AGAP1: variants seen among roughly 807,000 people sequenced by gnomAD.
The protein encoded by AGAP1 is ArfGAP with GTPase domain, ankyrin repeat and PH domain 1, also known as arf-GAP with GTPase, ANK repeat and PH domain-containing protein 1.
A neutral mutation model predicts 105.3 loss-of-function variants in AGAP1; 29 were observed. The ratio of observed to expected loss-of-function variants is 0.28; its 90% CI spans 0.21 to 0.38. The LOEUF (loss-of-function observed/expected upper bound fraction) is 0.38. Ranked by LOEUF, AGAP1 falls within the 10% of genes least tolerant of loss-of-function variation. The probability of loss-of-function intolerance (pLI) is 1.00; values close to 1 mark genes in which losing one functional copy is unlikely to be tolerated. For synonymous variants in AGAP1, 509 were observed against 485.9 expected (o/e 1.05, Z -0.63); for missense variants, 998 against 1,165.1 (o/e 0.86, Z 2.09).
intron 12 of AGAP1, among the ~76,000 whole-genome samples, chr2:235,937,015 C>T (rs1159376731): frequency 6.6e-6 from 1 of 152,012 alleles, no homozygotes; most frequent in African/African-American, 2.4e-5. Context: ...ATAGCGCTTG[C>T]TTTTCAAGGA....
intron 16 of AGAP1, among the ~76,000 whole-genome samples, chr2:236,072,835 A>G (rs1171905814): frequency 1.3e-5 from 2 of 152,144 alleles, no homozygotes; most frequent in Non-Finnish European, 2.9e-5. Flanking sequence ...CAGCTGAACT[A>G]TACCAGGAGC....
chr2:235,564,472 C>T (rs1218353942), intron 1 of AGAP1, among the ~76,000 whole-genome samples: 2 of 152,222 alleles, frequency 1.3e-5, no homozygotes, highest in Non-Finnish European at 2.9e-5. Context: ...ATCTATACTT[C>T]TGAGTATATC....
intron 16 of AGAP1, among the ~76,000 whole-genome samples, chr2:236,067,181 C>G (rs2058368630): frequency 6.6e-6 from 1 of 152,032 alleles, no homozygotes; most frequent in Non-Finnish European, 1.5e-5. Context: ...GTGACCCGGG[C>G]TGGATGTTCA....
intron 1 of AGAP1, chr2:235,670,810 C>A: frequency 7.0e-7 from 1 of 1,421,228 alleles, no homozygotes; most frequent in Non-Finnish European, 9.3e-7. Flanking sequence ...GCAAGAACCG[C>A]ACGCTGGACA....
In AGAP1 at chr2:235,615,306, C is replaced by G. The variant is rs1380081831; in HGVS notation, c.164-93873C>G. 6.6e-6 allele frequency among the ~76,000 whole-genome samples: 1 copy of G among 152,210 alleles called. No individual in the cohort carries two copies. The highest frequency in any genetic ancestry group is 1.5e-5 in the Non-Finnish European group (1 of 68,042). ...CATGTGACTACAGCATCCATCCTCCCTGCTCTGCCTCGCACTGCCTTCTAA... is the reference window on the plus strand; with the variant it reads ...CATGTGACTACAGCATCCATCCTCCGTGCTCTGCCTCGCACTGCCTTCTAA... On this transcript the variant is annotated intron_variant, in intron 1 of 17. Coordinates refer to ENST00000304032, the MANE Select transcript of AGAP1 (RefSeq NM_001037131.3). This position sits in a 1 kb window ranked among gnomAD's most constrained non-coding sequence, Gnocchi z 5.0.
At chr2:236,029,228 A>G (rs2057148542) in intron 13 of AGAP1, among the ~76,000 whole-genome samples, 1 of 150,668 alleles carries the variant, frequency 6.6e-6, no homozygotes, top group Admixed American at 6.6e-5. Context: ...TTGCTCACCA[A>G]CCTGTCTTTC....
chr2:235,760,004 A>G (rs1001525832), intron 6 of AGAP1, among the ~76,000 whole-genome samples: 7 of 152,170 alleles, frequency 4.6e-5, no homozygotes, highest in African/African-American at 1.4e-4. Context: ...ATGAAGCTAT[A>G]AAAGCACATG....
At chr2:235,711,878 G>T (rs1400191467) in intron 2 of AGAP1, among the ~76,000 whole-genome samples, 1 of 152,172 alleles carries the variant, frequency 6.6e-6, no homozygotes, top group Non-Finnish European at 1.5e-5. Flanking sequence ...CTTCACAAAC[G>T]CAGCAGTGAC....
intron 16 of AGAP1, among the ~76,000 whole-genome samples, chr2:236,052,637 A>C (rs577008437): frequency 1.3e-5 from 2 of 152,312 alleles, no homozygotes. Flanking sequence ...ATCATTAGTC[A>C]AGAAAAGCAT....
chr2:235,652,088 CTT>C (rs1206667685), intron 1 of AGAP1, among the ~76,000 whole-genome samples: 1 of 152,150 alleles, frequency 6.6e-6, no homozygotes, highest in Non-Finnish European at 1.5e-5. Context: ...AGGGGGCAAA[CTT>C]AATTTCATTT....
Position 235,797,876 on chromosome 2 carries a change from A to C in AGAP1, c.791A>C (p.His264Pro), listed in dbSNP as rs1957314763. Residue 264 changes from histidine to proline, a missense_variant, in exon 7 of 18, where the codon CAC becomes CCC. This residue lies in a region of AGAP1 where 735 missense variants were observed against 833.4 expected (regional missense o/e 0.88). Transcript: ENST00000304032. ...SVCSAQVSAV[H>P]ISQTSNGGGS... is the part of the protein sequence containing the mutation. ...TGTTCCGCGCAGGTGTCTGCCGTGC[A>C]CATCAGCCAGGTACGTTAGGTGACA... 1 of 1,614,076 alleles carries C rather than the reference A, an allele frequency of 6.2e-7. No individual in the cohort carries two copies. The highest frequency in any genetic ancestry group is 8.5e-7 in the Non-Finnish European group (1 of 1,180,034).
At chr2:235,797,924 C>CA (rs1212166660) in intron 7 of AGAP1, 38 bp downstream of exon 7, 1 of 1,610,208 alleles carries the variant, frequency 6.2e-7, no homozygotes, top group Non-Finnish European at 8.5e-7. Context: ...CTCTTAGAAC[C>CA]AAAGACAATA....
intron 12 of AGAP1, among the ~76,000 whole-genome samples, chr2:235,948,433 C>T (rs969895105): frequency 1.3e-5 from 2 of 152,198 alleles, no homozygotes; most frequent in Admixed American, 6.5e-5. Context: ...GTTCCCCCCA[C>T]CTCCATCTCC....
At position 236,064,863 on chromosome 2, in the gene AGAP1, T is replaced by G. The variant is rs547089329; in HGVS notation, c.2114+15582T>G. Among the ~76,000 whole-genome samples the G allele has an allele frequency of 4.0e-5, 6 of 150,628 alleles. No homozygotes were observed. The East Asian group carries it at 1.2e-3, about 29-fold the overall frequency. ...GCCAAACTATACCTTTCTAAACACA[T>G]AAAATGAAAACAAGAATAATCACCT... On this transcript the variant is annotated intron_variant, in intron 16 of 17. Coordinates refer to ENST00000304032, the MANE Select transcript of AGAP1 (RefSeq NM_001037131.3).
At position 236,105,998 on chromosome 2, in the gene AGAP1, C is replaced by T. The variant is rs1266946963; in HGVS notation, c.2115-14194C>T. On this transcript the variant is annotated intron_variant, in intron 16 of 17. Transcript: ENST00000304032. This position sits in a 1 kb window ranked among gnomAD's most constrained non-coding sequence, Gnocchi z 4.2. ...GGTCCTGTCACCAAACACCATCACA[C>T]AGGGGGTTAGGGCTTCAGCGACTGA... 1.3e-5 allele frequency among the ~76,000 whole-genome samples: 2 copies of T among 152,182 alleles called. No homozygotes were observed. Among genetic ancestry groups the T allele is most frequent in the African/African-American group, 4.8e-5 (2 of 41,460 alleles).
chr2:236,014,199 G>A lies in AGAP1; in HGVS notation c.1646-22362G>A, dbSNP rs111786989. On this transcript the variant is annotated intron_variant, in intron 13 of 17. Coordinates refer to ENST00000304032, the MANE Select transcript of AGAP1 (RefSeq NM_001037131.3). The surrounding 1 kb of genome is among the most constrained non-coding windows in gnomAD (Gnocchi z 6.3). ...CTCCATTTAGAGCCGTAACTCCCCCGAGTGTCAAAGAGAATAGACTCCTCC... is the reference window on the plus strand; with the variant it reads ...CTCCATTTAGAGCCGTAACTCCCCCAAGTGTCAAAGAGAATAGACTCCTCC... Among the ~76,000 whole-genome samples, 38 of 152,228 alleles carry A rather than the reference G, an allele frequency of 2.5e-4. No homozygotes were observed. The highest frequency in any genetic ancestry group is 5.5e-4 in the African/African-American group (23 of 41,560).
intron 1 of AGAP1, among the ~76,000 whole-genome samples, chr2:235,678,956 G>A (rs1948912366): frequency 6.6e-6 from 1 of 152,230 alleles, no homozygotes. Context: ...CAGATGGTGA[G>A]TGGTGGCTGG....
intron 1 of AGAP1, among the ~76,000 whole-genome samples, chr2:235,645,484 T>G (rs981544104): frequency 6.6e-6 from 1 of 152,190 alleles, no homozygotes; most frequent in Admixed American, 6.5e-5. Context: ...TTTATTGCCC[T>G]TTCACATTAG....
At chr2:235,852,564 C>T in intron 9 of AGAP1, 1 of 959,030 alleles carries the variant, frequency 1.0e-6, no homozygotes, top group Non-Finnish European at 1.4e-6. Flanking sequence ...CAAGTTTTAT[C>T]TCTTAATGAA....
Sources: allele counts gnomAD v4.1 joint callset (sites outside exome capture counted in the v4.1 genomes callset), GRCh38; gene constraint gnomAD v4.1.1; regional missense constraint gnomAD v4.1.1; non-coding constraint Gnocchi (gnomAD v3.1); transcripts MANE v1.5; gene names NCBI Gene and HGNC (gene_info 2026-07-23, HGNC 2026-07-21).